Variants in KANK1 observed in about 807,000 individuals in gnomAD.
KANK1 encodes KN motif and ankyrin repeat domains 1.
Under a neutral mutation model 106.2 loss-of-function variants are expected in KANK1, and 109 were observed. The ratio of observed to expected loss-of-function variants is 1.03; its 90% CI spans 0.88 to 1.20. KANK1 has a LOEUF of 1.20. Ranked by LOEUF, KANK1 falls within the 50% of genes most tolerant of loss-of-function variation. KANK1 has a pLI of 0.00. For missense variants in KANK1, 2,399 were observed against 1,710.7 expected, an observed-to-expected ratio of 1.40 and a Z score of -7.10; for synonymous variants, 873 against 652.2, an observed-to-expected ratio of 1.34 and a Z score of -5.16.
intron 1 of KANK1, chr9:547,185 G>A (rs1300631998): frequency 6.6e-6 from 1 of 152,178 alleles, no homozygotes; most frequent in East Asian, 1.9e-4. Context: ...TTGATAATCT[G>A]TGTTTTGCTC....
intron 1 of KANK1, among the ~76,000 whole-genome samples, chr9:557,503 C>T (rs1456902395): frequency 1.3e-5 from 2 of 152,130 alleles, no homozygotes; most frequent in Non-Finnish European, 2.9e-5. Flanking sequence ...CTTTAAGTGA[C>T]AATGGGGAAA....
upstream of KANK1, among the ~76,000 whole-genome samples, chr9:499,959 C>T (rs1034501003): frequency 6.6e-6 from 1 of 152,194 alleles, no homozygotes; most frequent in African/African-American, 2.4e-5. Flanking sequence ...AAGGATTAGT[C>T]TAACAAGTTT....
intron 2 of KANK1, among the ~76,000 whole-genome samples, chr9:685,162 T>G (rs1818309516): frequency 1.3e-5 from 2 of 152,238 alleles, no homozygotes; most frequent in African/African-American, 4.8e-5. Flanking sequence ...CTGGTTCTGC[T>G]TTTGAGCTGC....
At chr9:633,452 C>T (rs145292746) in intron 1 of KANK1, among the ~76,000 whole-genome samples, 2,790 of 152,180 alleles carry the variant, frequency 0.018, 76 homozygotes, top group African/African-American at 0.058. Context: ...AGCGAGACTC[C>T]GTCTCAAAAA....
intron 1 of KANK1, among the ~76,000 whole-genome samples, chr9:656,860 T>C (rs1343501496): frequency 2.0e-5 from 3 of 151,772 alleles, no homozygotes; most frequent in African/African-American, 7.3e-5. Flanking sequence ...GCACCGTAAA[T>C]GCTACTTCTA....
chr9:702,513 GAGAC>G (rs1297482416), intron 2 of KANK1, among the ~76,000 whole-genome samples: 3 of 152,148 alleles, frequency 2.0e-5, no homozygotes, highest in Non-Finnish European at 4.4e-5. Context: ...TAGAGAAAGA[GAGAC>G]AGAGACAGAA....
intron 1 of KANK1, among the ~76,000 whole-genome samples, chr9:616,278 C>T (rs1267683292): frequency 6.6e-6 from 1 of 152,166 alleles, no homozygotes; most frequent in Admixed American, 6.5e-5. Context: ...GCAGTCACTT[C>T]AGTGAGTCCT....
intron 1 of KANK1, among the ~76,000 whole-genome samples, chr9:676,597 T>C (rs995862035): frequency 6.6e-6 from 1 of 152,180 alleles, no homozygotes; most frequent in East Asian, 1.9e-4. Flanking sequence ...AGGAAGTCAT[T>C]TGTATTTGGT....
intron 3 of KANK1, among the ~76,000 whole-genome samples, chr9:727,989 C>T (rs939670557): frequency 1.3e-5 from 2 of 152,084 alleles, no homozygotes; most frequent in Admixed American, 6.5e-5. Flanking sequence ...ATTATACCCT[C>T]CTCCCTTTGG....
At chr9:523,490 G>C (rs549589517) in intron 1 of KANK1, among the ~76,000 whole-genome samples, 1 of 151,852 alleles carries the variant, frequency 6.6e-6, no homozygotes. Context: ...AAAAACAAAA[G>C]TCACATTGTG....
At chr9:659,431 G>A (rs1229464950) in intron 1 of KANK1, among the ~76,000 whole-genome samples, 1 of 152,074 alleles carries the variant, frequency 6.6e-6, no homozygotes, top group Non-Finnish European at 1.5e-5. Flanking sequence ...GTCTGGGATG[G>A]GCCCCAAAAT....
At chr9:686,115 A>G (rs941098702) in intron 2 of KANK1, among the ~76,000 whole-genome samples, 2 of 152,152 alleles carry the variant, frequency 1.3e-5, no homozygotes, top group African/African-American at 4.8e-5. Context: ...TAAAAACCCT[A>G]CTCATGTGCA....
chr9:471,505 T>C (rs1020056691), intron 2 of KANK1: 8 of 152,250 alleles, frequency 5.3e-5, no homozygotes, highest in South Asian at 2.1e-4. Flanking sequence ...GGCCTCAGTC[T>C]GTCATCTTCC....
chr9:700,249 A>G (rs1209036339), intron 2 of KANK1, among the ~76,000 whole-genome samples: 1 of 152,206 alleles, frequency 6.6e-6, no homozygotes, highest in Non-Finnish European at 1.5e-5. Flanking sequence ...TTTAAACCAG[A>G]AGGAGGAACA....
intron 1 of KANK1, among the ~76,000 whole-genome samples, chr9:605,679 T>A (rs1828923286): frequency 6.6e-6 from 1 of 151,518 alleles, no homozygotes; most frequent in Non-Finnish European, 1.5e-5. Context: ...CATAGCAAAA[T>A]TCTGGGTTTT....
chr9:521,584 T>C (rs1318843006), intron 1 of KANK1, among the ~76,000 whole-genome samples: 2 of 137,204 alleles, frequency 1.5e-5, no homozygotes, highest in African/African-American at 5.5e-5. Flanking sequence ...TTTTTTTTTT[T>C]GGAGACAGAG....
intron 3 of KANK1, among the ~76,000 whole-genome samples, chr9:486,264 G>C (rs2058291785): frequency 6.6e-6 from 1 of 152,168 alleles, no homozygotes; most frequent in Non-Finnish European, 1.5e-5. Context: ...AGGATACATA[G>C]GAGAAACTGG....
chr9:588,440 A>C (rs1010288601), intron 1 of KANK1, among the ~76,000 whole-genome samples: 4 of 152,252 alleles, frequency 2.6e-5, no homozygotes, highest in Non-Finnish European at 5.9e-5. Flanking sequence ...AGAATGTAGC[A>C]CTCAGGTGTT....
At chr9:684,659 T>C in intron 2 of KANK1, 1 of 816,606 alleles carries the variant, frequency 1.2e-6, no homozygotes, top group Non-Finnish European at 1.5e-6. Flanking sequence ...ATCAAAGGTA[T>C]AGCTCATTTG....
Sources: allele counts gnomAD v4.1 joint callset (sites outside exome capture counted in the v4.1 genomes callset), GRCh38; gene constraint gnomAD v4.1.1; transcripts MANE v1.5; gene names NCBI Gene and HGNC (gene_info 2026-07-23, HGNC 2026-07-21).